PFKFB2: variants seen among roughly 807,000 people sequenced by gnomAD.
PFKFB2 encodes the protein 6-phosphofructo-2-kinase/fructose-2,6-bisphosphatase 2.
Under a neutral mutation model 68.0 loss-of-function variants are expected in PFKFB2, and 53 were observed. That is an observed-to-expected ratio of 0.78 (90% CI 0.63 to 0.98). The LOEUF (loss-of-function observed/expected upper bound fraction) is 0.98. PFKFB2 is among the 50% of genes least tolerant of loss of function. The probability of loss-of-function intolerance (pLI) is 0.00; values close to 1 mark genes in which losing one functional copy is unlikely to be tolerated. For missense variants in PFKFB2, 451 were observed against 642.0 expected (o/e 0.70, Z 3.22); for synonymous variants, 222 against 227.6 (o/e 0.98, Z 0.22).
In PFKFB2 at chr1:207,043,222, G is replaced by A. The variant is rs76037296; in HGVS notation, c.-18+1010G>A. On this transcript the variant is annotated intron_variant, in intron 2 of 5. Transcript: ENST00000545806. ...TAAGCTTCCATCACACAACCCAACCGATTCTTTATGAACCTTGTAATGTGA... is the reference window on the plus strand; with the variant it reads ...TAAGCTTCCATCACACAACCCAACCAATTCTTTATGAACCTTGTAATGTGA... Among the ~76,000 whole-genome samples, 5 of 152,196 alleles carry A rather than the reference G, an allele frequency of 3.3e-5. No homozygotes were observed. The East Asian group carries it at 9.6e-4, about 29-fold the overall frequency.
chr1:207,073,689 G>A lies in PFKFB2; in HGVS notation c.*1318G>A, dbSNP rs1683536856. On this transcript the variant is annotated 3_prime_UTR_variant, in exon 15 of 15. Coordinates refer to ENST00000367080, the MANE Select transcript of PFKFB2 (RefSeq NM_006212.2). ...TGTGGGATCTAGCTCGTAACTGTTT[G>A]TATTTCTCTATTCACTTCTGTCATT... 1 of 985,062 alleles carries A rather than the reference G, an allele frequency of 1.0e-6. No individual in the cohort carries two copies. The highest frequency in any genetic ancestry group is 6.1e-5 in the Admixed American group (1 of 16,264). 61.0% of individuals were successfully genotyped at this position (985,062 alleles called of 1,614,324 possible).
rs1164119858 is a variant in PFKFB2 at position 207,072,311 on chromosome 1, C to A, written c.1458C>A (p.Ser486Arg). 6.2e-7 allele frequency: 1 copy of A among 1,614,146 alleles called. No individual in the cohort carries two copies. The highest frequency in any genetic ancestry group is 2.2e-5 in the East Asian group (1 of 44,872). The part of the protein sequence containing the change: ...IRRPRNYSVG[S>R]RPLKPLSPLR... ...GTCCAAGAAATTACAGTGTTGGGAGCCGGCCCCTCAAGCCCCTCAGCCCTC... is the reference window on the plus strand; with the variant it reads ...GTCCAAGAAATTACAGTGTTGGGAGACGGCCCCTCAAGCCCCTCAGCCCTC... Residue 486 changes from serine to arginine, a missense_variant, in exon 15 of 15, where the codon AGC becomes AGA. Coordinates refer to ENST00000367080, the MANE Select transcript of PFKFB2 (RefSeq NM_006212.2).
upstream of PFKFB2, chr1:207,050,883 G>A: frequency 6.2e-7 from 1 of 1,607,734 alleles, no homozygotes; most frequent in Non-Finnish European, 8.5e-7. Context: ...GCCTTGCAGC[G>A]GAGCCGCCAC....
At chr1:207,067,752 A>G in intron 9 of PFKFB2, 46 bp downstream of exon 9, 1 of 1,463,840 alleles carries the variant, frequency 6.8e-7, no homozygotes, top group South Asian at 1.1e-5. Context: ...TTAGAGTTAG[A>G]AGGGCATGAC....
At chr1:207,034,570 G>A (rs573375321) in intron 1 of PFKFB2, 8 of 152,214 alleles carry the variant, frequency 5.3e-5, no homozygotes, top group African/African-American at 1.9e-4. Context: ...AACAGACACA[G>A]TTTTTCAGTT....
chr1:207,036,356 C>T (rs1682377436), intron 1 of PFKFB2, among the ~76,000 whole-genome samples: 1 of 152,192 alleles, frequency 6.6e-6, no homozygotes, highest in Non-Finnish European at 1.5e-5. Flanking sequence ...TTTGGTGTTA[C>T]TGGATTCCTT....
At chr1:207,040,230 C>G (rs755022565) in intron 1 of PFKFB2, among the ~76,000 whole-genome samples, 1 of 152,216 alleles carries the variant, frequency 6.6e-6, no homozygotes, top group African/African-American at 2.4e-5. Flanking sequence ...GAGTCAGCAG[C>G]AACTCCAAAC....
intron 2 of PFKFB2, chr1:207,060,980 A>G (rs961833382): frequency 7.0e-6 from 1 of 141,956 alleles, no homozygotes; most frequent in South Asian, 2.2e-4. Flanking sequence ...CTATATATCT[A>G]TATATCTATA....
chr1:207,079,302 T>A (rs17258746), downstream of PFKFB2: 64,724 of 518,216 alleles, frequency 0.12, 4,286 homozygotes, highest in Middle Eastern at 0.16. Flanking sequence ...AGTTGGTCAA[T>A]CTCATTCTGT....
intron 8 of PFKFB2, among the ~76,000 whole-genome samples, chr1:207,066,124 A>G (rs1683282235): frequency 6.6e-6 from 1 of 152,228 alleles, no homozygotes; most frequent in Non-Finnish European, 1.5e-5. Flanking sequence ...TGACTCAGAG[A>G]AATGTCTGAT....
chr1:207,061,199 A>ATT (rs1293569011), intron 2 of PFKFB2, among the ~76,000 whole-genome samples: 4 of 113,702 alleles, frequency 3.5e-5, no homozygotes, highest in African/African-American at 1.4e-4. Flanking sequence ...ATATATATAT[A>ATT]TATTTTAAGA....
chr1:207,038,138 G>T (rs1337661266), intron 1 of PFKFB2, among the ~76,000 whole-genome samples: 1 of 152,084 alleles, frequency 6.6e-6, no homozygotes, highest in Non-Finnish European at 1.5e-5. Context: ...TCCTCCCAAT[G>T]ATCTTAGGAT....
intron 8 of PFKFB2, among the ~76,000 whole-genome samples, chr1:207,065,726 A>C (rs1683268474): frequency 6.6e-6 from 1 of 152,112 alleles, no homozygotes; most frequent in East Asian, 1.9e-4. Context: ...TATTATTGGC[A>C]CTTTGAACTG....
Position 207,071,746 on chromosome 1 carries a change from A to T in PFKFB2, c.1350+173A>T, listed in dbSNP as rs78380553. 7.9e-3 allele frequency among the ~76,000 whole-genome samples: 1,153 copies of T among 145,180 alleles called. 17 individuals carry two copies. Among genetic ancestry groups the T allele is most frequent in the African/African-American group, 0.027 (1,105 of 40,910 alleles). On this transcript the variant is annotated intron_variant, in intron 14 of 14. Transcript: ENST00000367080. ...CTGATGTTGGAATTATTTTTTTTTTAAATTAGTACCCCTTTCATGAGTCTT... is the reference window on the plus strand; with the variant it reads ...CTGATGTTGGAATTATTTTTTTTTTTAATTAGTACCCCTTTCATGAGTCTT...
In PFKFB2 at chr1:207,040,959, C is replaced by T. The variant is rs375510178; in HGVS notation, c.-61-1210C>T. On this transcript the variant is annotated intron_variant, in intron 1 of 5. Coordinates refer to the PFKFB2 transcript ENST00000545806. ...TTTTTTTTTTTTGAGACAAGAGTCTCGCTCTGTCGCCTAGGCTGGAGTGCA... is the reference window on the plus strand; with the variant it reads ...TTTTTTTTTTTTGAGACAAGAGTCTTGCTCTGTCGCCTAGGCTGGAGTGCA... Among the ~76,000 whole-genome samples the T allele has an allele frequency of 3.2e-3, 426 of 134,516 alleles. 2 individuals are homozygous for T. The highest frequency in any genetic ancestry group is 9.8e-3 in the African/African-American group (343 of 34,858). The allele number at this position is 134,516 out of a possible 152,430, so 88.2% of individuals were successfully genotyped here.
chr1:207,056,807 G>A (rs1419542751), intron 2 of PFKFB2, among the ~76,000 whole-genome samples: 1 of 152,114 alleles, frequency 6.6e-6, no homozygotes, highest in Admixed American at 6.5e-5. Flanking sequence ...CATAGTCAAA[G>A]GAGAAAATAA....
At chr1:207,051,443 A>G (rs554831109), upstream of PFKFB2, among the ~76,000 whole-genome samples, 52 of 152,290 alleles carry the variant, frequency 3.4e-4, 1 homozygote, top group South Asian at 0.011. Flanking sequence ...AAAAACAATC[A>G]CACTTGTGAC....
At chr1:207,058,697 G>A (rs1683000799) in intron 2 of PFKFB2, among the ~76,000 whole-genome samples, 2 of 152,074 alleles carry the variant, frequency 1.3e-5, no homozygotes, top group Non-Finnish European at 2.9e-5. Flanking sequence ...GTTTCACCAT[G>A]TTGCCAAGGC....
At chr1:207,068,070 G>C in intron 9 of PFKFB2, 93 bp from the exon 10 acceptor site, 1 of 1,153,574 alleles carries the variant, frequency 8.7e-7, no homozygotes, top group South Asian at 1.5e-5. Flanking sequence ...GACCAAGTTA[G>C]CAGGCTTTGT....
Sources: allele counts gnomAD v4.1 joint callset (sites outside exome capture counted in the v4.1 genomes callset), GRCh38; gene constraint gnomAD v4.1.1; transcripts MANE v1.5; gene names NCBI Gene and HGNC (gene_info 2026-07-23, HGNC 2026-07-21).